The following ADAMTS17 variants were observed in gnomAD, a reference collection of about 807,000 sequenced individuals.
ADAMTS17 encodes the protein A disintegrin and metalloproteinase with thrombospondin motifs 17.
Under a neutral mutation model 141.5 loss-of-function variants are expected in ADAMTS17, and 113 were observed. That is an observed-to-expected ratio of 0.80 (90% CI 0.69 to 0.93). The LOEUF is 0.93. Ranked by LOEUF, ADAMTS17 falls within the 40% of genes least tolerant of loss-of-function variation. The pLI is 0.00. For missense variants in ADAMTS17, 1,659 were observed against 1,517.9 expected (o/e 1.09, Z -1.54); for synonymous variants, 768 against 630.6 (o/e 1.22, Z -3.27).
intron 4 of ADAMTS17, among the ~76,000 whole-genome samples, chr15:100,272,259 T>C (rs1157015268): frequency 6.6e-6 from 1 of 152,200 alleles, no homozygotes; most frequent in Non-Finnish European, 1.5e-5. Context: ...GGGATTTTGA[T>C]AGAAATTGCA....
Position 100,271,820 on chromosome 15 carries a change from A to G in ADAMTS17, c.790-9385T>C, listed in dbSNP as rs1596409195. On this transcript the variant is annotated intron_variant, in intron 4 of 21. Coordinates refer to ENST00000268070, the MANE Select transcript of ADAMTS17 (RefSeq NM_139057.4). ...AAATCACTGCCAAATCAAATCTCAC[A>G]AAACTTTTCCGTTTTTTCTTCTAAG... 3.3e-5 allele frequency among the ~76,000 whole-genome samples: 5 copies of G among 152,270 alleles called. No individual in the cohort carries two copies. In the South Asian group the frequency reaches 1.0e-3, roughly 32 times the overall value.
intron 7 of ADAMTS17, among the ~76,000 whole-genome samples, chr15:100,204,532 A>G (rs1170749550): frequency 2.6e-5 from 4 of 152,268 alleles, no homozygotes; most frequent in Admixed American, 2.0e-4. Flanking sequence ...AACAGCATTT[A>G]GGAGCAAATG....
intron 15 of ADAMTS17, among the ~76,000 whole-genome samples, chr15:100,088,631 C>T (rs2035257429): frequency 6.6e-6 from 1 of 151,018 alleles, no homozygotes; most frequent in Non-Finnish European, 1.5e-5. Flanking sequence ...GGTACTGGTA[C>T]CAAAACAGAG....
intron 3 of ADAMTS17, among the ~76,000 whole-genome samples, chr15:100,300,144 A>G (rs1185030789): frequency 6.6e-6 from 1 of 152,088 alleles, no homozygotes; most frequent in Non-Finnish European, 1.5e-5. Context: ...AAATACCTCC[A>G]ACATGCCCAG....
At chr15:100,122,063 AC>A (rs1019313683) in intron 12 of ADAMTS17, among the ~76,000 whole-genome samples, 4 of 152,114 alleles carry the variant, frequency 2.6e-5, no homozygotes, top group Non-Finnish European at 5.9e-5. Context: ...TCATCCCTGG[AC>A]AAAACTGTGG....
At chr15:100,041,946 T>C (rs922673) in intron 18 of ADAMTS17, among the ~76,000 whole-genome samples, 99,293 of 152,096 alleles carry the variant, frequency 0.65, 33,992 homozygotes, top group Non-Finnish European at 0.77. Flanking sequence ...AACAATAACA[T>C]AGAAAGGCTC....
rs150883875 is a variant in ADAMTS17 at position 100,289,571 on chromosome 15, CTCT to C, written c.617-8173_617-8171del. Among the ~76,000 whole-genome samples the C allele has an allele frequency of 7.3e-5, 11 of 151,254 alleles. No homozygotes were observed. The East Asian group carries it at 1.6e-3, about 21-fold the overall frequency. On this transcript the variant is annotated intron_variant, in intron 3 of 21. Transcript: ENST00000268070. ...ACTCACACACACACACACACACACACTCTTAAGGCCAATGTCCTTGATGAACAC... is the reference window on the plus strand; with the variant it reads ...ACTCACACACACACACACACACACACTAAGGCCAATGTCCTTGATGAACAC...
At chr15:100,096,628 A>T in intron 14 of ADAMTS17, 152 bp from the exon 15 acceptor site, 1 of 998,716 alleles carries the variant, frequency 1.0e-6, no homozygotes, top group Non-Finnish European at 1.5e-6. Flanking sequence ...ATTTTAATTC[A>T]GGAGAGAAAA....
At chr15:100,223,554 C>G (rs912950222) in intron 7 of ADAMTS17, among the ~76,000 whole-genome samples, 5 of 152,044 alleles carry the variant, frequency 3.3e-5, no homozygotes, top group Non-Finnish European at 7.3e-5. Context: ...GGCAGGGACT[C>G]ACTCTGAGAA....
intron 8 of ADAMTS17, among the ~76,000 whole-genome samples, chr15:100,197,863 T>C (rs566629611): frequency 7.2e-5 from 11 of 152,342 alleles, no homozygotes; most frequent in African/African-American, 2.6e-4. Flanking sequence ...GATGAGTTCA[T>C]GTCCTTTGCA....
chr15:100,206,686 C>T (rs1020401240), intron 7 of ADAMTS17, among the ~76,000 whole-genome samples: 1 of 152,184 alleles, frequency 6.6e-6, no homozygotes, highest in African/African-American at 2.4e-5. Context: ...TAAAAATAAT[C>T]TCCTCCATGT....
At chr15:100,147,344 G>C (rs6598306) in intron 10 of ADAMTS17, among the ~76,000 whole-genome samples, 105,102 of 151,656 alleles carry the variant, frequency 0.69, 37,419 homozygotes, top group East Asian at 0.87. Context: ...AATACGTTCT[G>C]AGAAATCCAT....
intron 3 of ADAMTS17, among the ~76,000 whole-genome samples, chr15:100,329,700 C>T (rs1397001251): frequency 6.6e-6 from 1 of 152,162 alleles, no homozygotes; most frequent in Non-Finnish European, 1.5e-5. Context: ...CCATTTGAGA[C>T]TCAAAGCTCT....
At chr15:100,130,981 GAT>G (rs1396640130) in intron 12 of ADAMTS17, among the ~76,000 whole-genome samples, 1 of 152,094 alleles carries the variant, frequency 6.6e-6, no homozygotes, top group Non-Finnish European at 1.5e-5. Context: ...GCCCATCAAT[GAT>G]AGACTGGATA....
At chr15:100,317,363 C>G (rs1206524052) in intron 3 of ADAMTS17, among the ~76,000 whole-genome samples, 3 of 152,108 alleles carry the variant, frequency 2.0e-5, no homozygotes, top group Admixed American at 2.0e-4. Flanking sequence ...CACTGAAGTC[C>G]CAGAAACAAT....
intron 17 of ADAMTS17, among the ~76,000 whole-genome samples, chr15:100,049,654 C>A (rs1458355002): frequency 6.6e-6 from 1 of 152,174 alleles, no homozygotes; most frequent in Non-Finnish European, 1.5e-5. Context: ...CTTTGTCACC[C>A]TAAATACTGC....
intron 15 of ADAMTS17, chr15:100,074,004 C>A (rs1182584385): frequency 2.6e-5 from 4 of 152,236 alleles, no homozygotes; most frequent in African/African-American, 9.6e-5. Context: ...GGTTAATTCT[C>A]TTAGGTTTTC....
In ADAMTS17 at chr15:100,100,626, T is replaced by G. The variant is rs150952054; in HGVS notation, c.2017-4150A>C. On this transcript the variant is annotated intron_variant, in intron 14 of 21. Transcript: ENST00000268070. ...CAGTTAGTTGGTGAGCTTGGGTTTT[T>G]TGTGCCCTGAAAACCTCTGTTGCCT... Among the ~76,000 whole-genome samples the G allele has an allele frequency of 1.3e-3, 196 of 152,046 alleles. 2 individuals carry two copies. The highest frequency in any genetic ancestry group is 5.1e-3 in the Admixed American group (78 of 15,270).
chr15:100,274,434 T>A (rs2044012846), intron 4 of ADAMTS17, among the ~76,000 whole-genome samples: 1 of 152,218 alleles, frequency 6.6e-6, no homozygotes. Context: ...CTTTGCCTCT[T>A]GGAAGCTTTT....
Sources: allele counts gnomAD v4.1 joint callset (sites outside exome capture counted in the v4.1 genomes callset), GRCh38; gene constraint gnomAD v4.1.1; transcripts MANE v1.5; gene names NCBI Gene and HGNC (gene_info 2026-07-23, HGNC 2026-07-21).